MALRD1: variants seen among roughly 807,000 people sequenced by gnomAD.
The protein encoded by MALRD1 is MAM and LDL receptor class A domain containing 1, also known as MAM and LDL-receptor class A domain-containing protein 1.
A neutral mutation model predicts 242.1 loss-of-function variants in MALRD1; 247 were observed. The observed-to-expected ratio is 1.02, with a 90% CI of 0.92 to 1.13. The LOEUF (loss-of-function observed/expected upper bound fraction) is 1.13. Ranked by LOEUF, MALRD1 falls within the 50% of genes most tolerant of loss-of-function variation. MALRD1 has a pLI of 0.00. For synonymous variants in MALRD1, 995 were observed against 866.6 expected, an observed-to-expected ratio of 1.15 and a Z score of -2.60; for missense variants, 2,989 against 2,533.1, an observed-to-expected ratio of 1.18 and a Z score of -3.86.
At chr10:19,607,726 CA>C (rs1038660086) in intron 34 of MALRD1, 50 bp from the exon 35 acceptor site, 352 of 1,470,258 alleles carry the variant, frequency 2.4e-4, no homozygotes, top group Admixed American at 7.3e-4. Context: ...TTCATTGGGA[CA>C]AAAAAAAATC....
intron 5 of MALRD1, 133 bp downstream of exon 5, chr10:19,104,208 C>T (rs1554789354): frequency 6.5e-6 from 3 of 464,822 alleles, no homozygotes; most frequent in African/African-American, 6.0e-5. Context: ...CGTTCTAATA[C>T]ATTGTATAAC....
At chr10:19,349,981 A>G (rs1216984931) in intron 25 of MALRD1, among the ~76,000 whole-genome samples, 6 of 152,174 alleles carry the variant, frequency 3.9e-5, no homozygotes, top group Admixed American at 3.9e-4. Flanking sequence ...CAAAAAATTA[A>G]TGATGAATGG....
chr10:19,264,784 GT>G (rs35080937), intron 19 of MALRD1, among the ~76,000 whole-genome samples: 15,000 of 152,118 alleles, frequency 0.099, 903 homozygotes, highest in African/African-American at 0.17. Context: ...GTTTGAAAGT[GT>G]TTCTTCCTCT....
intron 32 of MALRD1, among the ~76,000 whole-genome samples, chr10:19,557,655 T>G (rs1835784729): frequency 6.6e-6 from 1 of 152,152 alleles, no homozygotes; most frequent in Admixed American, 6.6e-5. Context: ...TCACAAATAC[T>G]ACATTGTCTT....
At chr10:19,573,464 A>G (rs1329664338) in intron 33 of MALRD1, among the ~76,000 whole-genome samples, 1 of 152,194 alleles carries the variant, frequency 6.6e-6, no homozygotes, top group Non-Finnish European at 1.5e-5. Context: ...CAGAGACATG[A>G]GGAAATAAAT....
chr10:19,191,876 T>A (rs904436143), intron 14 of MALRD1, among the ~76,000 whole-genome samples: 1 of 152,064 alleles, frequency 6.6e-6, no homozygotes, highest in African/African-American at 2.4e-5. Flanking sequence ...TGTGCATCTG[T>A]AATCCCAGCT....
intron 31 of MALRD1, among the ~76,000 whole-genome samples, chr10:19,519,984 G>A (rs1370627794): frequency 6.6e-6 from 1 of 152,146 alleles, no homozygotes; most frequent in African/African-American, 2.4e-5. Context: ...AATAGAACAT[G>A]TCTTGTTGTC....
At chr10:19,270,304 C>G (rs956542483) in intron 19 of MALRD1, among the ~76,000 whole-genome samples, 1 of 144,724 alleles carries the variant, frequency 6.9e-6, no homozygotes, top group Non-Finnish European at 1.5e-5. Flanking sequence ...CACAGTGAGA[C>G]TGTCTCTCTC....
intron 26 of MALRD1, among the ~76,000 whole-genome samples, chr10:19,362,281 C>G (rs1844927177): frequency 6.6e-6 from 1 of 152,098 alleles, no homozygotes; most frequent in South Asian, 2.1e-4. Context: ...TATTCTAATA[C>G]TTTGCCTTTA....
At chr10:19,290,715 TGA>T (rs1165655762) in intron 21 of MALRD1, among the ~76,000 whole-genome samples, 1 of 152,198 alleles carries the variant, frequency 6.6e-6, no homozygotes, top group Non-Finnish European at 1.5e-5. Context: ...GGCAAAATTG[TGA>T]GTTCTCTTCA....
chr10:19,265,367 T>C (rs1214626108), intron 19 of MALRD1, among the ~76,000 whole-genome samples: 1 of 152,166 alleles, frequency 6.6e-6, no homozygotes, highest in Non-Finnish European at 1.5e-5. Flanking sequence ...TATTCGGTAC[T>C]ATAAACTTTC....
At chr10:19,296,543 G>GT (rs1230842707) in intron 21 of MALRD1, among the ~76,000 whole-genome samples, 4 of 151,976 alleles carry the variant, frequency 2.6e-5, no homozygotes, top group African/African-American at 9.7e-5. Flanking sequence ...TTTTCTGGAG[G>GT]TTTTATCAAC....
intron 28 of MALRD1, among the ~76,000 whole-genome samples, chr10:19,449,512 G>C (rs1006632555): frequency 6.6e-6 from 1 of 151,690 alleles, no homozygotes; most frequent in Admixed American, 6.6e-5. Flanking sequence ...TATTTTAGTA[G>C]ATTAATATGC....
intron 18 of MALRD1, among the ~76,000 whole-genome samples, chr10:19,219,457 G>A (rs540175372): frequency 1.3e-5 from 2 of 151,858 alleles, no homozygotes; most frequent in East Asian, 1.9e-4. Flanking sequence ...TTTTTTTGAA[G>A]ACAAGTTCTC....
intron 24 of MALRD1, among the ~76,000 whole-genome samples, chr10:19,337,331 T>C (rs1336220671): frequency 1.3e-5 from 2 of 152,064 alleles, no homozygotes; most frequent in Non-Finnish European, 2.9e-5. Context: ...CAAATTAAAA[T>C]ATTAAGTAGC....
intron 21 of MALRD1, among the ~76,000 whole-genome samples, chr10:19,289,571 C>T (rs1841304783): frequency 6.6e-6 from 1 of 152,148 alleles, no homozygotes; most frequent in South Asian, 2.1e-4. Context: ...AACCTTATAT[C>T]TCCTCTCCTT....
intron 18 of MALRD1, among the ~76,000 whole-genome samples, chr10:19,246,480 A>T (rs12220317): frequency 0.17 from 26,386 of 152,046 alleles, 2,349 homozygotes; most frequent in Admixed American, 0.21. Context: ...AAGGGGAAAA[A>T]GCCTGGATGT....
chr10:19,529,234 C>G (rs1390062116), intron 31 of MALRD1, among the ~76,000 whole-genome samples: 1 of 152,064 alleles, frequency 6.6e-6, no homozygotes, highest in Non-Finnish European at 1.5e-5. Context: ...ACCTAACCAA[C>G]CTAGGGGAAT....
At chr10:19,610,534 C>T (rs543590531) in intron 35 of MALRD1, among the ~76,000 whole-genome samples, 3 of 152,008 alleles carry the variant, frequency 2.0e-5, no homozygotes, top group South Asian at 2.1e-4. Context: ...ACAAAATCTT[C>T]GGGTGGACTC....
Sources: gnomAD v4.1 joint callset for allele counts (sites outside exome capture counted in the v4.1 genomes callset) on GRCh38, gnomAD v4.1.1 for gene constraint, MANE v1.5 for transcripts, NCBI Gene and HGNC (gene_info 2026-07-23, HGNC 2026-07-21) for gene names.